Variants in CDHR3 observed in about 807,000 individuals in gnomAD.
CDHR3 encodes cadherin related family member 3, also known as cadherin-related family member 3.
CDHR3 carries 79 observed loss-of-function variants against 86.6 expected under a neutral mutation model. The observed-to-expected ratio is 0.91, with a 90% CI of 0.76 to 1.10. The LOEUF (loss-of-function observed/expected upper bound fraction) is 1.10, where lower values mean the gene tolerates loss of function less well. Among genes scored for constraint, CDHR3 ranks in the 50% least tolerant of loss-of-function variants. The probability of loss-of-function intolerance (pLI) is 0.00; values close to 1 mark genes in which losing one functional copy is unlikely to be tolerated. For synonymous variants in CDHR3, 421 were observed against 402.4 expected (o/e 1.05, Z -0.55); for missense variants, 1,081 against 1,077.6 (o/e 1.00, Z -0.04).
At chr7:106,005,435 GT>G (rs1157905622) in intron 8 of CDHR3, among the ~76,000 whole-genome samples, 1 of 152,214 alleles carries the variant, frequency 6.6e-6, no homozygotes, top group Admixed American at 6.5e-5. Flanking sequence ...CGTCTCTGAG[GT>G]TTTGTTCCAG....
chr7:106,028,916 TTTTCTTTC>T (rs1167671014), intron 17 of CDHR3, among the ~76,000 whole-genome samples: 4,189 of 82,836 alleles, frequency 0.051, 149 homozygotes, highest in East Asian at 0.09. Context: ...GAGATTTAAA[TTTTCTTTC>T]TTTCTTTCTT....
intron 9 of CDHR3, among the ~76,000 whole-genome samples, chr7:106,013,874 TTAG>T (rs1835175764): frequency 6.6e-6 from 1 of 152,218 alleles, no homozygotes; most frequent in Admixed American, 6.5e-5. Flanking sequence ...ATAACCAGTG[TTAG>T]TAGTTTGGTA....
chr7:105,969,405 A>C (rs1829543487), intron 1 of CDHR3, among the ~76,000 whole-genome samples: 1 of 151,558 alleles, frequency 6.6e-6, no homozygotes, highest in Non-Finnish European at 1.5e-5. Context: ...CTCAAAAAAA[A>C]AAAAAAAAAA....
chr7:105,966,697 A>G (rs1826987226), intron 1 of CDHR3, among the ~76,000 whole-genome samples: 1 of 152,176 alleles, frequency 6.6e-6, no homozygotes, highest in South Asian at 2.1e-4. Context: ...GAAGAACAAA[A>G]GACAGTCCCT....
intron 10 of CDHR3, 66 bp from the exon 11 acceptor site, chr7:106,015,861 G>C (rs1343186704): frequency 8.6e-7 from 1 of 1,168,124 alleles, no homozygotes; most frequent in African/African-American, 1.5e-5. Context: ...ATTCTTTAAA[G>C]ATGTTGAATA....
chr7:106,013,103 C>G (rs913641027), intron 9 of CDHR3, 72 bp downstream of exon 9: 1 of 1,385,896 alleles, frequency 7.2e-7, no homozygotes, highest in Non-Finnish European at 9.7e-7. Context: ...CTTTTGCTGC[C>G]CCATAGAGAG....
At chr7:105,988,599 C>G (rs1182022717) in intron 4 of CDHR3, among the ~76,000 whole-genome samples, 1 of 152,156 alleles carries the variant, frequency 6.6e-6, no homozygotes, top group Non-Finnish European at 1.5e-5. Flanking sequence ...GAAACTGTAT[C>G]ACAGTTAATG....
Position 106,004,643 on chromosome 7 carries a change from A to C in CDHR3, c.1008A>C (p.Glu336Asp), listed in dbSNP as rs746778132. The change falls in exon 8 of 19, where the codon GAA (glutamate) becomes GAC (aspartate). Residue 336 changes from glutamate to aspartate, a missense_variant. Transcript: ENST00000317716. The stretch of plus-strand genomic sequence containing the variant: ...GCATCCAGATAACCTTCATTGTGGA[A>C]GACGTCAACGACAATCCTGCCACAT... Reference protein sequence around the residue: ...ENRIQITFIVEDVNDNPATCQ... With the variant: ...ENRIQITFIVDDVNDNPATCQ... The C allele has an allele frequency of 1.7e-5, 28 of 1,614,058 alleles. No homozygotes were observed. Among genetic ancestry groups the C allele is most frequent in the Non-Finnish European group, 2.1e-5 (25 of 1,179,896 alleles).
chr7:106,008,865 G>A (rs1047627663), intron 8 of CDHR3, among the ~76,000 whole-genome samples: 2 of 152,188 alleles, frequency 1.3e-5, no homozygotes, highest in Admixed American at 6.5e-5. Flanking sequence ...GGTAGGGGGT[G>A]AAGGTTAAGA....
At chr7:105,964,150 G>C (rs1826490594) in intron 1 of CDHR3, among the ~76,000 whole-genome samples, 3 of 152,030 alleles carry the variant, frequency 2.0e-5, no homozygotes, top group Admixed American at 2.0e-4. Flanking sequence ...CCAAGAACAG[G>C]GTTCTAGATA....
At chr7:106,028,618 G>T (rs115647579) in intron 17 of CDHR3, 36 bp downstream of exon 17, 1 of 1,612,274 alleles carries the variant, frequency 6.2e-7, no homozygotes, top group Non-Finnish European at 8.5e-7. Flanking sequence ...AGGCATAGAC[G>T]CTGGGGGATA....
intron 2 of CDHR3, among the ~76,000 whole-genome samples, chr7:105,978,409 G>A (rs929377487): frequency 5.3e-5 from 8 of 152,072 alleles, no homozygotes; most frequent in East Asian, 1.9e-4. Context: ...ATCTACTGTC[G>A]TGAGCACTGT....
intron 6 of CDHR3, among the ~76,000 whole-genome samples, chr7:105,997,337 A>G (rs1186470036): frequency 3.3e-5 from 5 of 152,132 alleles, no homozygotes; most frequent in Non-Finnish European, 4.4e-5. Flanking sequence ...CAGGTGTCAA[A>G]GAATGCGTCT....
chr7:106,005,120 C>T (rs1014868453), intron 8 of CDHR3, among the ~76,000 whole-genome samples: 3 of 152,182 alleles, frequency 2.0e-5, no homozygotes, highest in African/African-American at 4.8e-5. Context: ...CCCAGGAAAA[C>T]ATACCACCAG....
intron 8 of CDHR3, among the ~76,000 whole-genome samples, chr7:106,010,361 G>C (rs1834612668): frequency 1.3e-5 from 2 of 152,220 alleles, no homozygotes; most frequent in Non-Finnish European, 2.9e-5. Flanking sequence ...GGAAATTAGA[G>C]ATAGTGTTTT....
intron 7 of CDHR3, among the ~76,000 whole-genome samples, chr7:106,003,133 C>CA (rs35573554): frequency 0.27 from 26,826 of 100,038 alleles, 3,122 homozygotes; most frequent in Admixed American, 0.35. Context: ...AAACCTGTCT[C>CA]AAAAAAAAAA....
In CDHR3 at chr7:105,981,153, G is replaced by A; in HGVS notation, c.415+20G>A. Reference sequence around the variant, plus strand: ...CAGAAGGTAGGATACACCAGGATGTGCACTGCAGCCCAGACAGTGGCATCA... The same window carrying A: ...CAGAAGGTAGGATACACCAGGATGTACACTGCAGCCCAGACAGTGGCATCA... On this transcript the variant is annotated intron_variant, in intron 3 of 18. Coordinates refer to ENST00000317716, the MANE Select transcript of CDHR3 (RefSeq NM_152750.5). The A allele has an allele frequency of 1.2e-6, 2 of 1,610,342 alleles. No homozygotes were observed. Among genetic ancestry groups the A allele is most frequent in the Non-Finnish European group, 8.5e-7 (1 of 1,177,796 alleles).
At chr7:105,990,817 C>T (rs1365705824) in intron 4 of CDHR3, among the ~76,000 whole-genome samples, 6 of 152,290 alleles carry the variant, frequency 3.9e-5, no homozygotes, top group South Asian at 4.1e-4. Flanking sequence ...CTGGAGGTGG[C>T]GTTCCCCTCG....
intron 4 of CDHR3, among the ~76,000 whole-genome samples, chr7:105,986,539 A>G (rs573693938): frequency 1.2e-4 from 18 of 152,380 alleles, no homozygotes; most frequent in Admixed American, 9.8e-4. Context: ...TTATTTAACC[A>G]AAGTTTTACA....
Sources: gnomAD v4.1 joint callset for allele counts (sites outside exome capture counted in the v4.1 genomes callset) on GRCh38, gnomAD v4.1.1 for gene constraint, MANE v1.5 for transcripts, NCBI Gene and HGNC (gene_info 2026-07-23, HGNC 2026-07-21) for gene names.